SEMA3A: variants seen among roughly 807,000 people sequenced by gnomAD.
SEMA3A encodes semaphorin-3A.
Under a neutral mutation model 97.9 loss-of-function variants are expected in SEMA3A, and 29 were observed. The observed-to-expected ratio is 0.30, with a 90% confidence interval of 0.22 to 0.40. The LOEUF (loss-of-function observed/expected upper bound fraction) is 0.40. Among genes scored for constraint, SEMA3A ranks in the 10% least tolerant of loss-of-function variants. The probability of loss-of-function intolerance (pLI) is 1.00; values close to 1 mark genes in which losing one functional copy is unlikely to be tolerated. For missense variants in SEMA3A, 763 were observed against 951.3 expected, an observed-to-expected ratio of 0.80 and a Z score of 2.60; for synonymous variants, 321 against 323.7, an observed-to-expected ratio of 0.99 and a Z score of 0.09.
At chr7:84,441,197 A>C (rs539169357) in intron 1 of SEMA3A, among the ~76,000 whole-genome samples, 22 of 151,754 alleles carry the variant, frequency 1.4e-4, no homozygotes, top group Non-Finnish European at 3.1e-4. Flanking sequence ...AAATAAAAAA[A>C]ACAGAAACTG....
chr7:84,443,085 G>A (rs1282116180), intron 1 of SEMA3A, among the ~76,000 whole-genome samples: 1 of 152,072 alleles, frequency 6.6e-6, no homozygotes, highest in East Asian at 1.9e-4. Flanking sequence ...TATGCGAATA[G>A]AGGATTTAAA....
chr7:84,134,703 G>A (rs1406326486), intron 2 of SEMA3A, 91 bp downstream of exon 2: 1 of 989,012 alleles, frequency 1.0e-6, no homozygotes, highest in African/African-American at 1.7e-5. Flanking sequence ...ACAATTTTCT[G>A]TCAGTAATCA....
At chr7:84,067,855 G>C (rs1259409605) in intron 4 of SEMA3A, among the ~76,000 whole-genome samples, 5 of 150,070 alleles carry the variant, frequency 3.3e-5, no homozygotes, top group Non-Finnish European at 7.4e-5. Flanking sequence ...CATTGTGGAA[G>C]TCAGTGTGGC....
intron 3 of SEMA3A, among the ~76,000 whole-genome samples, chr7:84,203,470 C>T (rs182523090): frequency 3.2e-5 from 4 of 123,596 alleles, no homozygotes; most frequent in East Asian, 4.9e-4. Flanking sequence ...CTAGTTTTAA[C>T]AGTTTTGTAG....
intron 1 of SEMA3A, among the ~76,000 whole-genome samples, chr7:84,137,430 A>C (rs1483007877): frequency 6.6e-6 from 1 of 150,766 alleles, no homozygotes. Context: ...AATGGCATTC[A>C]TTTCATTGGC....
At chr7:84,020,554 T>G (rs1363036916) in intron 6 of SEMA3A, among the ~76,000 whole-genome samples, 1 of 152,070 alleles carries the variant, frequency 6.6e-6, no homozygotes, top group African/African-American at 2.4e-5. Context: ...CTTAAGTAAT[T>G]TCTTAAGTTT....
At chr7:84,288,776 T>C (rs545441777) in intron 3 of SEMA3A, among the ~76,000 whole-genome samples, 1 of 152,180 alleles carries the variant, frequency 6.6e-6, no homozygotes, top group Admixed American at 6.6e-5. Context: ...TATTGTTTGG[T>C]GGGCATGTGA....
chr7:84,045,823 A>G (rs979819388), intron 6 of SEMA3A, among the ~76,000 whole-genome samples: 1 of 151,994 alleles, frequency 6.6e-6, no homozygotes, highest in African/African-American at 2.4e-5. Flanking sequence ...TTAAGATTAA[A>G]TGTGAATCAA....
chr7:84,413,608 A>G (rs1377506606), intron 1 of SEMA3A, among the ~76,000 whole-genome samples: 2 of 152,092 alleles, frequency 1.3e-5, no homozygotes, highest in Non-Finnish European at 2.9e-5. Flanking sequence ...AGCCTGGGTG[A>G]CAGGGTGTCA....
chr7:84,109,028 C>T lies in SEMA3A; in HGVS notation c.453+1442G>A, dbSNP rs368900009. Among the ~76,000 whole-genome samples, 32 of 151,732 alleles carry T rather than the reference C, an allele frequency of 2.1e-4. 1 individual carries two copies. Among genetic ancestry groups the T allele is most frequent in the African/African-American group, 6.8e-4 (28 of 41,352 alleles). ...CTCATGTAAAAAGTGCAATATCATG[C>T]GGAGGGAGTTCTCTAGAGCTATCTT... On this transcript the variant is annotated intron_variant, in intron 4 of 16. Coordinates refer to ENST00000265362, the MANE Select transcript of SEMA3A (RefSeq NM_006080.3).
At chr7:84,122,110 A>G (rs1230407714) in intron 3 of SEMA3A, among the ~76,000 whole-genome samples, 1 of 151,778 alleles carries the variant, frequency 6.6e-6, no homozygotes, top group African/African-American at 2.4e-5. Context: ...GACTTCCACA[A>G]TGGTTGAACT....
intron 3 of SEMA3A, among the ~76,000 whole-genome samples, chr7:84,210,547 A>G (rs1289333014): frequency 6.6e-6 from 1 of 152,196 alleles, no homozygotes. Flanking sequence ...ATCAAAAAGC[A>G]TTGCTATAGT....
intron 6 of SEMA3A, among the ~76,000 whole-genome samples, chr7:84,015,074 C>T (rs940118007): frequency 1.3e-5 from 2 of 152,136 alleles, no homozygotes; most frequent in Middle Eastern, 3.2e-3. Flanking sequence ...CACACGACAG[C>T]CAGAATGAAC....
At chr7:83,976,751 C>A (rs1288610087) in intron 15 of SEMA3A, among the ~76,000 whole-genome samples, 1 of 151,812 alleles carries the variant, frequency 6.6e-6, no homozygotes, top group East Asian at 1.9e-4. Flanking sequence ...CATTTTAAGG[C>A]ATATTTTAAG....
intron 2 of SEMA3A, among the ~76,000 whole-genome samples, chr7:84,359,325 T>G (rs958465366): frequency 6.6e-6 from 1 of 151,978 alleles, no homozygotes; most frequent in Non-Finnish European, 1.5e-5. Context: ...CAATACCTAA[T>G]TTATTGAGAG....
intron 6 of SEMA3A, among the ~76,000 whole-genome samples, chr7:84,036,210 A>G (rs1219352169): frequency 6.6e-6 from 1 of 152,148 alleles, no homozygotes; most frequent in African/African-American, 2.4e-5. Flanking sequence ...CTATGAGTTA[A>G]ACAATGGTTT....
intron 4 of SEMA3A, among the ~76,000 whole-genome samples, chr7:84,082,111 A>C (rs1794186405): frequency 6.6e-6 from 1 of 152,210 alleles, no homozygotes; most frequent in South Asian, 2.1e-4. Flanking sequence ...CTTAAAAATG[A>C]ATTTTACCTT....
chr7:84,384,705 A>G (rs1803355857), intron 1 of SEMA3A, among the ~76,000 whole-genome samples: 2 of 152,128 alleles, frequency 1.3e-5, no homozygotes, highest in African/African-American at 4.8e-5. Flanking sequence ...ATATTGAAGA[A>G]ACAAAAATGG....
chr7:84,304,317 T>TC (rs1302511039), intron 3 of SEMA3A, among the ~76,000 whole-genome samples: 4 of 152,222 alleles, frequency 2.6e-5, no homozygotes, highest in African/African-American at 9.6e-5. Flanking sequence ...CCATAAGGTC[T>TC]CCTTCACAAT....
Sources: allele counts gnomAD v4.1 joint callset (sites outside exome capture counted in the v4.1 genomes callset), GRCh38; gene constraint gnomAD v4.1.1; transcripts MANE v1.5; gene names NCBI Gene and HGNC (gene_info 2026-07-23, HGNC 2026-07-21).